The following ARHGAP23 variants were observed in gnomAD, a reference collection of about 807,000 sequenced individuals.
The protein encoded by ARHGAP23 is Rho GTPase activating protein 23, also known as rho GTPase-activating protein 23.
A neutral mutation model predicts 136.3 loss-of-function variants in ARHGAP23; 34 were observed. The observed-to-expected ratio is 0.25, with a 90% CI of 0.19 to 0.33. The LOEUF (loss-of-function observed/expected upper bound fraction) is 0.33, where lower values mean the gene tolerates loss of function less well. Ranked by LOEUF, ARHGAP23 falls within the 10% of genes least tolerant of loss-of-function variation. The pLI, the probability that ARHGAP23 is intolerant of heterozygous loss-of-function variation, is 1.00. For synonymous variants in ARHGAP23, 832 were observed against 920.5 expected (o/e 0.90, Z 1.74); for missense variants, 1,808 against 2,139.0 (o/e 0.85, Z 3.05).
intron 1 of ARHGAP23, among the ~76,000 whole-genome samples, chr17:38,445,751 C>T (rs543384074): frequency 5.3e-5 from 8 of 151,962 alleles, no homozygotes; most frequent in African/African-American, 1.9e-4. Context: ...CCTCCCATCT[C>T]AGCTTCCTGA....
chr17:38,477,479 G>T lies in ARHGAP23; in HGVS notation c.2119-100G>T. On this transcript the variant is annotated intron_variant, in intron 11 of 23. Coordinates refer to ENST00000622683, the MANE Select transcript of ARHGAP23 (RefSeq NM_001199417.2). The surrounding 1 kb of genome is among the most constrained non-coding windows in gnomAD (Gnocchi z 6.6). ...AGGGGGCTCCTGGTAGGCAGCGTGG[G>T]GTCCATCCCCTGGCTGTCCTCTGTC... 1 of 1,081,652 alleles carries T rather than the reference G, an allele frequency of 9.2e-7. No homozygotes were observed. Among genetic ancestry groups the T allele is most frequent in the Non-Finnish European group, 1.1e-6 (1 of 879,696 alleles). 67.0% of individuals were successfully genotyped at this position (1,081,652 alleles called of 1,614,324 possible).
rs1174854313 is a variant in ARHGAP23, at chr17:38,490,089, C to T, written c.2987-13C>T. ...TGCCCCCACCTCTCTAAAGAGTCTC[C>T]GCTGTGTTCTAGACAAATACAACGA... On this transcript the variant is annotated splice_polypyrimidine_tract_variant and intron_variant, in intron 17 of 23. Transcript: ENST00000622683. 16 of 1,551,306 alleles carry T rather than the reference C, an allele frequency of 1.0e-5. No individual in the cohort carries two copies. The East Asian group carries it at 1.2e-4, about 12-fold the overall frequency.
intron 1 of ARHGAP23, among the ~76,000 whole-genome samples, chr17:38,453,418 CGTGCGTGTGTGTGTGTGTGT>C (rs2039229711): frequency 9.9e-6 from 1 of 100,864 alleles, no homozygotes; most frequent in South Asian, 3.5e-4. Flanking sequence ...CGCGCGTATG[CGTGCGTGTGTGTGTGTGTGT>C]GTGTGTGTGT....
chr17:38,451,006 G>C (rs547027188), intron 1 of ARHGAP23: 1 of 152,318 alleles, frequency 6.6e-6, no homozygotes, highest in South Asian at 2.1e-4. Context: ...CAGGGCGTGG[G>C]GGGAGGACTC....
chr17:38,507,645 CAGAG>C (rs1232574324), intron 23 of ARHGAP23, among the ~76,000 whole-genome samples: 1 of 152,144 alleles, frequency 6.6e-6, no homozygotes, highest in Non-Finnish European at 1.5e-5. Context: ...TTAAGTCTCT[CAGAG>C]AGCACTGGCC....
At chr17:38,503,614 T>A (rs1374649224) in intron 23 of ARHGAP23, among the ~76,000 whole-genome samples, 3 of 152,194 alleles carry the variant, frequency 2.0e-5, no homozygotes, top group Admixed American at 6.5e-5. Context: ...GACTCAACAC[T>A]GACCTCCCCA....
intron 1 of ARHGAP23, chr17:38,451,396 GAAC>G (rs2039163304): frequency 1.3e-5 from 2 of 152,264 alleles, no homozygotes; most frequent in Admixed American, 1.3e-4. Context: ...TCTGCAGTCT[GAAC>G]ACAGAAAACC....
intron 23 of ARHGAP23, 105 bp from the exon 24 acceptor site, chr17:38,509,839 C>T (rs1441370818): frequency 7.6e-6 from 7 of 916,198 alleles, no homozygotes; most frequent in East Asian, 6.6e-5. Flanking sequence ...TTGGCTGGGG[C>T]TTGTGGCGAC....
At chr17:38,442,452 C>G (rs557679031) in intron 1 of ARHGAP23, among the ~76,000 whole-genome samples, 1 of 152,224 alleles carries the variant, frequency 6.6e-6, no homozygotes, top group East Asian at 1.9e-4. Context: ...CCACCCTGGG[C>G]CAGGAACCAG....
chr17:38,430,582 G>C (rs986067112), intron 1 of ARHGAP23, among the ~76,000 whole-genome samples: 3 of 152,168 alleles, frequency 2.0e-5, no homozygotes, highest in African/African-American at 7.2e-5. Flanking sequence ...GATGTGTAAG[G>C]TTAAAAGAGA....
chr17:38,439,817 C>G (rs2038881668), intron 1 of ARHGAP23, among the ~76,000 whole-genome samples: 1 of 151,912 alleles, frequency 6.6e-6, no homozygotes, highest in Admixed American at 6.6e-5. Flanking sequence ...CTCTGTCACC[C>G]AGGCTGGAGT....
At chr17:38,424,438 C>A (rs1339835955), upstream of ARHGAP23, among the ~76,000 whole-genome samples, 1 of 152,128 alleles carries the variant, frequency 6.6e-6, no homozygotes, top group African/African-American at 2.4e-5. Context: ...CACAGTCTGA[C>A]CCCCACACCC....
At chr17:38,430,382 G>GT (rs1422353991) in intron 1 of ARHGAP23, among the ~76,000 whole-genome samples, 21 of 151,948 alleles carry the variant, frequency 1.4e-4, no homozygotes, top group Admixed American at 2.6e-4. Context: ...GAAGGACTGG[G>GT]TGGGGGGAAG....
intron 1 of ARHGAP23, among the ~76,000 whole-genome samples, chr17:38,448,723 G>A (rs1444224054): frequency 6.8e-6 from 1 of 146,090 alleles, no homozygotes; most frequent in Non-Finnish European, 1.5e-5. Context: ...ACAGCTCACT[G>A]CACCCTTGAC....
chr17:38,481,674 G>T (rs2040046025), intron 14 of ARHGAP23, among the ~76,000 whole-genome samples: 1 of 152,148 alleles, frequency 6.6e-6, no homozygotes, highest in African/African-American at 2.4e-5. Context: ...AGGGAAGATT[G>T]CTTGAGCCCA....
upstream of ARHGAP23, among the ~76,000 whole-genome samples, chr17:38,426,157 T>C (rs116688166): frequency 4.5e-3 from 689 of 152,012 alleles, 5 homozygotes; most frequent in African/African-American, 0.016. Context: ...GGAAAGGACC[T>C]CTGAGCCAAG....
chr17:38,457,996 G>T (rs1362139155), intron 1 of ARHGAP23, 106 bp from the exon 2 acceptor site: 9 of 1,385,712 alleles, frequency 6.5e-6, no homozygotes, highest in Non-Finnish European at 8.7e-6. Flanking sequence ...TAGGGCGAAA[G>T]ACCCCTTCTG....
intron 1 of ARHGAP23, among the ~76,000 whole-genome samples, chr17:38,448,575 C>T (rs1341146165): frequency 1.3e-5 from 2 of 151,772 alleles, no homozygotes; most frequent in African/African-American, 4.8e-5. Context: ...CTGACTCAGC[C>T]TCCAGAGGAC....
At position 38,463,530 on chromosome 17, in the gene ARHGAP23, G is replaced by C. The variant is rs560214706; in HGVS notation, c.483+148G>C. On this transcript the variant is annotated intron_variant, in intron 6 of 23. Transcript: ENST00000622683. ...CAGGCCCCTCCCTGGGCTGGGGCTG[G>C]TTGTTGCTTCATTCGGAGCTGCTCT... 4.8e-5 allele frequency: 48 copies of C among 989,740 alleles called. 1 individual carries two copies. The South Asian group carries it at 6.2e-4, about 13-fold the overall frequency. The allele number at this position is 989,740 out of a possible 1,614,324, so 61.3% of individuals were successfully genotyped here.
Sources: allele counts gnomAD v4.1 joint callset (sites outside exome capture counted in the v4.1 genomes callset), GRCh38; gene constraint gnomAD v4.1.1; non-coding constraint Gnocchi (gnomAD v3.1); transcripts MANE v1.5; gene names NCBI Gene and HGNC (gene_info 2026-07-23, HGNC 2026-07-21).